Variants in EXOC2 observed in about 807,000 individuals in gnomAD.
EXOC2 encodes the protein SEC5-like 1.
A neutral mutation model predicts 131.8 loss-of-function variants in EXOC2; 70 were observed. The ratio of observed to expected loss-of-function variants is 0.53; its 90% CI spans 0.44 to 0.65. The LOEUF is 0.65. Ranked by LOEUF, EXOC2 falls within the 30% of genes least tolerant of loss-of-function variation. EXOC2 has a pLI of 0.00. For synonymous variants in EXOC2, 411 were observed against 398.4 expected (o/e 1.03, Z -0.38); for missense variants, 923 against 1,108.6 (o/e 0.83, Z 2.38).
chr6:580,330 G>A (rs1275302166), intron 11 of EXOC2, among the ~76,000 whole-genome samples: 4 of 152,198 alleles, frequency 2.6e-5, no homozygotes, highest in Admixed American at 6.5e-5. Flanking sequence ...GTGAGCCACC[G>A]TGTCCAGCCC....
In EXOC2 at chr6:486,351, G is replaced by A. The variant is rs757360221; in HGVS notation, c.*320C>T. On this transcript the variant is annotated 3_prime_UTR_variant, in exon 28 of 28. Coordinates refer to ENST00000230449, the MANE Select transcript of EXOC2 (RefSeq NM_018303.6). ...TGAGAAATGCTTCAATATGTGCCACGCCATTCCAGAAAACTCCCTGCAGAA... is the reference window on the plus strand; with the variant it reads ...TGAGAAATGCTTCAATATGTGCCACACCATTCCAGAAAACTCCCTGCAGAA... The A allele has an allele frequency of 4.9e-5, 12 of 243,168 alleles. No homozygotes were observed. Among genetic ancestry groups the A allele is most frequent in the South Asian group, 1.7e-4 (2 of 12,092 alleles). The allele number at this position is 243,168 out of a possible 1,614,324, so 15.1% of individuals were successfully genotyped here. A position where few individuals can be genotyped will look rare whatever the true frequency, so the allele number is the denominator to read the frequency against.
chr6:653,807 A>G (rs1438958443), intron 1 of EXOC2, among the ~76,000 whole-genome samples: 3 of 152,238 alleles, frequency 2.0e-5, no homozygotes, highest in Non-Finnish European at 4.4e-5. Flanking sequence ...GGACTTTCAT[A>G]GCTAGAGAGG....
chr6:545,127 C>T (rs1390348425), intron 22 of EXOC2, among the ~76,000 whole-genome samples: 1 of 137,558 alleles, frequency 7.3e-6, no homozygotes, highest in East Asian at 2.1e-4. Context: ...GCAGTCCGGC[C>T]TGGGCGACAG....
chr6:577,787 T>C (rs1378464117), intron 11 of EXOC2, among the ~76,000 whole-genome samples: 2 of 152,208 alleles, frequency 1.3e-5, no homozygotes, highest in East Asian at 3.9e-4. Flanking sequence ...TGCTGCCTTA[T>C]TTGCTATCCT....
chr6:650,939 G>C (rs1273271701), intron 1 of EXOC2, among the ~76,000 whole-genome samples: 31 of 151,870 alleles, frequency 2.0e-4, no homozygotes. Context: ...ATTTGGAAGA[G>C]ATGCCTGAAA....
intron 1 of EXOC2, chr6:669,450 T>C (rs1763764733): frequency 6.6e-6 from 1 of 152,640 alleles, no homozygotes; most frequent in Non-Finnish European, 1.5e-5. Flanking sequence ...GTGCTGTGGG[T>C]GGAGGGGGAG....
intron 26 of EXOC2, 81 bp from the exon 27 acceptor site, chr6:489,119 T>C (rs1335684915): frequency 7.6e-7 from 1 of 1,321,800 alleles, no homozygotes; most frequent in Non-Finnish European, 1.1e-6. Context: ...CCTTAATTAT[T>C]GAGAAGCCAA....
rs34753404 is a variant in EXOC2 at position 534,433 on chromosome 6, CAGAG to C, written c.2239-1827_2239-1824del. On this transcript the variant is annotated intron_variant, in intron 22 of 27. Transcript: ENST00000230449. ...ACATTTACTCTAAATGAGAGAGAGA[CAGAG>C]AGAGAGAGAGAGAGAGAGACAGAGA... is the stretch of plus-strand genomic sequence containing the variant. Among the ~76,000 whole-genome samples the C allele has an allele frequency of 6.3e-3, 934 of 148,520 alleles. 10 individuals carry two copies. Among genetic ancestry groups the C allele is most frequent in the African/African-American group, 0.021 (862 of 40,552 alleles).
chr6:488,892 A>C lies in EXOC2; in HGVS notation c.2681+87T>G. The stretch of plus-strand genomic sequence containing the variant: ...TTGGATTCTGCTCTTCCTAGAATCC[A>C]AATCATTATTTTTAAAAGGTATTTT... On this transcript the variant is annotated intron_variant, in intron 27 of 27. Transcript: ENST00000230449. 4 of 1,382,398 alleles carry C rather than the reference A, an allele frequency of 2.9e-6. No homozygotes were observed. The South Asian group carries it at 5.2e-5, about 18-fold the overall frequency. 85.6% of individuals were successfully genotyped at this position (1,382,398 alleles called of 1,614,324 possible). A position where few individuals can be genotyped will look rare whatever the true frequency, so the allele number is the denominator to read the frequency against.
chr6:636,870 G>A (rs570782604), intron 2 of EXOC2, among the ~76,000 whole-genome samples: 38 of 152,096 alleles, frequency 2.5e-4, no homozygotes, highest in East Asian at 3.8e-4. Context: ...CCTAATACCC[G>A]TGTATATTTT....
intron 27 of EXOC2, 92 bp from the exon 28 acceptor site, chr6:486,856 C>G: frequency 2.2e-6 from 2 of 914,070 alleles, no homozygotes; most frequent in Non-Finnish European, 3.5e-6. Flanking sequence ...CCGGCTCTGC[C>G]TGGGCTTGCT....
At chr6:630,461 C>T (rs1352950493) in intron 3 of EXOC2, among the ~76,000 whole-genome samples, 1 of 152,146 alleles carries the variant, frequency 6.6e-6, no homozygotes, top group Non-Finnish European at 1.5e-5. Flanking sequence ...AATGTTAGCT[C>T]AGTGGAAAGC....
At chr6:668,699 C>G (rs9405291) in intron 1 of EXOC2, among the ~76,000 whole-genome samples, 93,520 of 152,020 alleles carry the variant, frequency 0.62, 29,083 homozygotes, top group East Asian at 0.79. Context: ...ACCAGTAATT[C>G]GTCCTAAGGC....
chr6:642,976 AAAG>A (rs1277301976), intron 1 of EXOC2, among the ~76,000 whole-genome samples: 1 of 152,188 alleles, frequency 6.6e-6, no homozygotes, highest in East Asian at 1.9e-4. Flanking sequence ...AGAAATGCTG[AAAG>A]AAGTTCTTCA....
intron 1 of EXOC2, among the ~76,000 whole-genome samples, chr6:651,322 C>T (rs560043088): frequency 6.6e-5 from 10 of 152,112 alleles, no homozygotes; most frequent in African/African-American, 1.7e-4. Flanking sequence ...CGTGAGCCAC[C>T]GCGCCCGGCC....
At chr6:661,366 A>C (rs189106876) in intron 1 of EXOC2, among the ~76,000 whole-genome samples, 1 of 152,236 alleles carries the variant, frequency 6.6e-6, no homozygotes, top group African/African-American at 2.4e-5. Context: ...CAGACTAAGG[A>C]AAGAGCTAAG....
chr6:563,328 G>A (rs967929474), intron 16 of EXOC2, among the ~76,000 whole-genome samples: 18 of 152,180 alleles, frequency 1.2e-4, no homozygotes, highest in African/African-American at 4.1e-4. Context: ...AGGTTCCTAG[G>A]TGAGGAGGAG....
chr6:510,814 GTTT>G (rs1460724578), intron 23 of EXOC2, among the ~76,000 whole-genome samples: 8 of 152,144 alleles, frequency 5.3e-5, no homozygotes, highest in Non-Finnish European at 1.2e-4. Context: ...TTTGAATTTA[GTTT>G]TTTGTCAGAA....
rs9504697 is a variant in EXOC2 at position 670,605 on chromosome 6, C to T, written c.-44+22414G>A. On this transcript the variant is annotated intron_variant, in intron 1 of 27. Transcript: ENST00000230449. ...TCCACAGAATGCTTCAGTGACCTTT[C>T]ATTTCCAGTCTGAAAATCTGTAATA... Among the ~76,000 whole-genome samples, 353 of 152,140 alleles carry T rather than the reference C, an allele frequency of 2.3e-3. 1 individual carries two copies. Among genetic ancestry groups the T allele is most frequent in the African/African-American group, 8.3e-3 (345 of 41,518 alleles).
Sources: allele counts gnomAD v4.1 joint callset (sites outside exome capture counted in the v4.1 genomes callset), GRCh38; gene constraint gnomAD v4.1.1; transcripts MANE v1.5; gene names NCBI Gene and HGNC (gene_info 2026-07-23, HGNC 2026-07-21).